Variants in FXR1 observed in about 807,000 individuals in gnomAD.
FXR1 encodes FMR1 autosomal homolog 1.
FXR1 carries 15 observed loss-of-function variants against 84.0 expected under a neutral mutation model. That is an observed-to-expected ratio of 0.18 (90% CI 0.12 to 0.27). The LOEUF (loss-of-function observed/expected upper bound fraction) is 0.27. Ranked by LOEUF, FXR1 falls within the 10% of genes least tolerant of loss-of-function variation. The pLI is 1.00. For missense variants in FXR1, 480 were observed against 774.4 expected (o/e 0.62, Z 4.51); for synonymous variants, 245 against 250.7 (o/e 0.98, Z 0.21).
rs918595107 is a variant in FXR1 at position 180,977,162 on chromosome 3, A to AT, written c.*877dup. The AT allele has an allele frequency of 3.3e-5, 5 of 150,586 alleles. No individual in the cohort carries two copies. Among genetic ancestry groups the AT allele is most frequent in the Admixed American group, 1.3e-4 (2 of 15,016 alleles). The allele number at this position is 150,586 out of a possible 1,614,324, so 9.3% of individuals were successfully genotyped here. A position where few individuals can be genotyped will look rare whatever the true frequency, so the allele number is the denominator to read the frequency against. On this transcript the variant is annotated 3_prime_UTR_variant, in exon 17 of 17. Transcript: ENST00000357559. Reference sequence around the variant, plus strand: ...TAAACTTTGATCTTCCATTTGCTGAATTTTTTTAACTTTCTACTTTTTACA... The same window carrying AT: ...TAAACTTTGATCTTCCATTTGCTGAATTTTTTTTAACTTTCTACTTTTTACA...
intron 1 of FXR1, among the ~76,000 whole-genome samples, chr3:180,916,483 C>T (rs1717910529): frequency 6.6e-6 from 1 of 152,244 alleles, no homozygotes; most frequent in East Asian, 1.9e-4. Flanking sequence ...TCTCGGCTCA[C>T]TGCAACCTCC....
chr3:180,950,321 A>G (rs902626472), intron 7 of FXR1, among the ~76,000 whole-genome samples: 2 of 152,238 alleles, frequency 1.3e-5, no homozygotes, highest in African/African-American at 2.4e-5. Flanking sequence ...ATCTGCCTGT[A>G]TCTGGAAAAG....
chr3:180,916,849 T>C (rs1440863967), intron 1 of FXR1, among the ~76,000 whole-genome samples: 1 of 152,164 alleles, frequency 6.6e-6, no homozygotes, highest in African/African-American at 2.4e-5. Context: ...TTTTTTTGTT[T>C]TCTTGAGACG....
chr3:180,976,177 C>T lies in FXR1; in HGVS notation c.1751C>T (p.Thr584Ile), dbSNP rs371671972. ...TCAGAAAAGGCAATAAACGGCCCAA[C>T]TAGTGCTTCTGGCGATGACATTTCT... is the stretch of plus-strand genomic sequence containing the variant. The part of the protein sequence containing the change: ...GPSEKAINGP[T>I]SASGDDISKL... Residue 584 changes from threonine (T) to isoleucine (I), a missense_variant, in exon 17 of 17, where the codon ACT (threonine) becomes ATT (isoleucine). By Grantham distance (89) the Thr-to-Ile change is moderately conservative. Transcript: ENST00000357559. The T allele has an allele frequency of 6.4e-5, 103 of 1,613,118 alleles. No individual in the cohort carries two copies. The highest frequency in any genetic ancestry group is 8.4e-5 in the Non-Finnish European group (99 of 1,179,314).
In FXR1 at chr3:180,960,188, AC is replaced by A. The variant is rs572493266; in HGVS notation, c.991-1278del. ...CTTATTCAGAAGTTCAGCAAAGTAA[AC>A]CAAGTCTGGCCTAATACTTTGATTT... is the stretch of plus-strand genomic sequence containing the variant. On this transcript the variant is annotated intron_variant, in intron 10 of 16. Coordinates refer to ENST00000357559, the MANE Select transcript of FXR1 (RefSeq NM_005087.4). 1.5e-3 allele frequency among the ~76,000 whole-genome samples: 235 copies of A among 152,310 alleles called. 2 individuals carry two copies. The highest frequency in any genetic ancestry group is 5.5e-3 in the African/African-American group (229 of 41,574).
chr3:180,913,145 C>T (rs919487199), intron 1 of FXR1, among the ~76,000 whole-genome samples: 1 of 152,072 alleles, frequency 6.6e-6, no homozygotes, highest in African/African-American at 2.4e-5. Flanking sequence ...CGAACTGGGC[C>T]GGGCGGGAGC....
chr3:180,925,377 A>G (rs474048), intron 1 of FXR1, among the ~76,000 whole-genome samples: 86,602 of 150,780 alleles, frequency 0.57, 27,628 homozygotes, highest in African/African-American at 0.88. Flanking sequence ...AAAAAAAAGT[A>G]CATTCCTCTG....
chr3:180,919,983 A>AT (rs1478998325), intron 1 of FXR1, among the ~76,000 whole-genome samples: 1 of 152,152 alleles, frequency 6.6e-6, no homozygotes, highest in East Asian at 1.9e-4. Flanking sequence ...AAGATAATTT[A>AT]TGCTATCAGT....
rs1273839182 is a variant in FXR1, at chr3:180,947,944, C to T, written c.270+8C>T. 1 of 1,536,712 alleles carries T rather than the reference C, an allele frequency of 6.5e-7. No homozygotes were observed. The highest frequency in any genetic ancestry group is 9.0e-7 in the Non-Finnish European group (1 of 1,114,076). ...CGGATGATGAAAGGAGAAGTAAGTA[C>T]TCTTCACACTTGCTTTGTGACTAGT... On this transcript the variant is annotated splice_region_variant and intron_variant, in intron 4 of 16. Coordinates refer to ENST00000357559, the MANE Select transcript of FXR1 (RefSeq NM_005087.4).
chr3:180,945,700 GTGCC>G (rs1721625394), intron 3 of FXR1, among the ~76,000 whole-genome samples: 3 of 152,192 alleles, frequency 2.0e-5, no homozygotes. Flanking sequence ...GTAAGCCACC[GTGCC>G]TGACCACAAA....
intron 8 of FXR1, among the ~76,000 whole-genome samples, chr3:180,952,218 A>G (rs1478835854): frequency 1.3e-5 from 2 of 152,146 alleles, no homozygotes; most frequent in African/African-American, 2.4e-5. Context: ...TCAGCCTTCC[A>G]AAGTGCCGGG....
intron 1 of FXR1, among the ~76,000 whole-genome samples, chr3:180,932,075 C>CAAAGAAAAA (rs1553842550): frequency 2.5e-5 from 2 of 79,162 alleles, no homozygotes; most frequent in Admixed American, 1.9e-4. Flanking sequence ...TTGTAAGTTT[C>CAAAGAAAAA]AAAAAAAAAA....
chr3:180,970,061 T>C, intron 14 of FXR1, 97 bp from the exon 15 acceptor site: 2 of 582,002 alleles, frequency 3.4e-6, no homozygotes, highest in Non-Finnish European at 6.4e-6. Flanking sequence ...TGGGGGAGAC[T>C]GAAGTTTATT....
At chr3:180,948,048 G>T (rs1295331250) in intron 4 of FXR1, 112 bp downstream of exon 4, 2 of 670,890 alleles carry the variant, frequency 3.0e-6, no homozygotes, top group South Asian at 2.0e-5. Context: ...GCCTACCTGA[G>T]AAATAGTTGA....
chr3:180,923,760 G>A (rs1320844654), intron 1 of FXR1, among the ~76,000 whole-genome samples: 2 of 151,934 alleles, frequency 1.3e-5, no homozygotes, highest in African/African-American at 4.8e-5. Context: ...GTTGTTTCAG[G>A]AGACCGGTCT....
chr3:180,955,645 A>C (rs1329552286), intron 9 of FXR1, among the ~76,000 whole-genome samples: 2 of 152,168 alleles, frequency 1.3e-5, no homozygotes, highest in Admixed American at 1.3e-4. Flanking sequence ...ATTTTGACTT[A>C]ACTAAGGTTT....
rs1241260752 is a variant in FXR1 at position 180,968,184 on chromosome 3, A to G, written c.1332A>G (p.Gly444=). 6.2e-7 allele frequency: 1 copy of G among 1,613,856 alleles called. No homozygotes were observed. Among genetic ancestry groups the G allele is most frequent in the Non-Finnish European group, 8.5e-7 (1 of 1,179,860 alleles). The part of the protein sequence containing the change: ...HQRDSRRRPG[G]RGRSVSGGRG... ...GTGACAGCAGGAGACGCCCAGGAGG[A>G]AGAGGCAGAAGTGTTTCAGGGGGTC... The change falls in exon 14 of 17, where the codon GGA becomes GGG. Residue 444 remains glycine (G), a synonymous_variant. Coordinates refer to ENST00000357559, the MANE Select transcript of FXR1 (RefSeq NM_005087.4).
intron 4 of FXR1, 102 bp from the exon 5 acceptor site, chr3:180,948,245 G>A (rs1322163557): frequency 5.2e-6 from 4 of 774,454 alleles, no homozygotes; most frequent in Non-Finnish European, 8.5e-6. Flanking sequence ...TGCCACATGG[G>A]GGAGGGTCCG....
intron 9 of FXR1, 25 bp from the exon 10 acceptor site, chr3:180,957,794 T>C (rs747415158): frequency 1.3e-5 from 14 of 1,041,836 alleles, no homozygotes; most frequent in Non-Finnish European, 2.1e-5. Context: ...TAGCTTACCA[T>C]TGTATTTGTT....
Sources: gnomAD v4.1 joint callset for allele counts (sites outside exome capture counted in the v4.1 genomes callset) on GRCh38, gnomAD v4.1.1 for gene constraint, MANE v1.5 for transcripts, NCBI Gene and HGNC (gene_info 2026-07-23, HGNC 2026-07-21) for gene names.